The following CFDP1 variants were observed in gnomAD, a reference collection of about 807,000 sequenced individuals.
CFDP1 encodes chromatin remodeling protein CFDP1, also known as heterochromatin-stabilizing protein CFDP1.
Under a neutral mutation model 40.1 loss-of-function variants are expected in CFDP1, and 31 were observed. The ratio of observed to expected loss-of-function variants is 0.77; its 90% CI spans 0.58 to 1.04. The LOEUF (loss-of-function observed/expected upper bound fraction) is 1.04, where lower values mean the gene tolerates loss of function less well. CFDP1 is among the 50% of genes least tolerant of loss of function. CFDP1 has a pLI of 0.00. For synonymous variants in CFDP1, 167 were observed against 120.0 expected (o/e 1.39, Z -2.56); for missense variants, 423 against 343.4 (o/e 1.23, Z -1.83).
chr16:75,355,856 G>A (rs761946347), intron 5 of CFDP1, among the ~76,000 whole-genome samples: 1 of 152,214 alleles, frequency 6.6e-6, no homozygotes, highest in Non-Finnish European at 1.5e-5. Context: ...GGAACTGAGA[G>A]TCAATTAAAT....
chr16:75,367,843 G>A (rs1447485777), intron 5 of CFDP1, among the ~76,000 whole-genome samples: 9 of 149,686 alleles, frequency 6.0e-5, no homozygotes, highest in African/African-American at 2.2e-4. Flanking sequence ...GGTGGCTCAC[G>A]CCTGTAATTC....
chr16:75,413,924 T>G (rs1236997674), intron 2 of CFDP1, among the ~76,000 whole-genome samples: 1 of 152,148 alleles, frequency 6.6e-6, no homozygotes, highest in African/African-American at 2.4e-5. Flanking sequence ...AAATGTTACA[T>G]TTACAGATAT....
At chr16:75,393,717 G>A (rs1243376228) in intron 5 of CFDP1, among the ~76,000 whole-genome samples, 21 of 115,760 alleles carry the variant, frequency 1.8e-4, no homozygotes, top group Middle Eastern at 8.1e-3. Flanking sequence ...CGGCCTGGGC[G>A]ACAGAGCGAG....
intron 6 of CFDP1, among the ~76,000 whole-genome samples, chr16:75,298,000 A>G (rs2078196134): frequency 6.6e-6 from 1 of 152,210 alleles, no homozygotes; most frequent in Non-Finnish European, 1.5e-5. Flanking sequence ...CACTGACAAG[A>G]CACAAGTGGA....
At chr16:75,326,796 A>C (rs919841876) in intron 5 of CFDP1, among the ~76,000 whole-genome samples, 3 of 152,262 alleles carry the variant, frequency 2.0e-5, no homozygotes, top group African/African-American at 7.2e-5. Flanking sequence ...TAGAAGACTG[A>C]CGGTGAAGCA....
At chr16:75,362,934 T>C (rs1463918312) in intron 5 of CFDP1, 1 of 152,174 alleles carries the variant, frequency 6.6e-6, no homozygotes, top group Non-Finnish European at 1.5e-5. Flanking sequence ...TGGCAGATCT[T>C]ATGGCAATGG....
chr16:75,383,326 A>T (rs2078866575), intron 5 of CFDP1, among the ~76,000 whole-genome samples: 1 of 152,220 alleles, frequency 6.6e-6, no homozygotes, highest in Non-Finnish European at 1.5e-5. Context: ...TCTAATATGA[A>T]TCTTTCTGTA....
Position 75,400,295 on chromosome 16 carries a change from CAAAA to C in CFDP1, c.531-5090_531-5087del, listed in dbSNP as rs2079039763. On this transcript the variant is annotated intron_variant, in intron 4 of 6. Transcript: ENST00000283882. Reference sequence around the variant, plus strand: ...CCCTGTCTCAAAACAAAAAACAAAACAAAACAAAAAAGAAGGTAGAAAGCAAGTA... The same window carrying C: ...CCCTGTCTCAAAACAAAAAACAAAACCAAAAAAGAAGGTAGAAAGCAAGTA... Among the ~76,000 whole-genome samples the C allele has an allele frequency of 2.0e-5, 3 of 151,572 alleles. No homozygotes were observed. In the South Asian group the frequency reaches 6.3e-4, roughly 32 times the overall value.
rs552225036 is a variant in CFDP1 at position 75,309,912 on chromosome 16, G to A, written c.651-4730C>T. Among the ~76,000 whole-genome samples the A allele has an allele frequency of 2.6e-5, 4 of 151,052 alleles. No homozygotes were observed. The South Asian group carries it at 8.4e-4, about 32-fold the overall frequency. ...TCTTTATCCTAAGCCATAGGGCAAGGTACTGCCAGAAAGTCTGCTTTAACA... is the reference window on the plus strand; with the variant it reads ...TCTTTATCCTAAGCCATAGGGCAAGATACTGCCAGAAAGTCTGCTTTAACA... On this transcript the variant is annotated intron_variant, in intron 5 of 6. Coordinates refer to ENST00000283882, the MANE Select transcript of CFDP1 (RefSeq NM_006324.3).
At chr16:75,360,646 G>A (rs973484136) in intron 5 of CFDP1, among the ~76,000 whole-genome samples, 6 of 152,086 alleles carry the variant, frequency 3.9e-5, no homozygotes, top group Non-Finnish European at 8.8e-5. Flanking sequence ...AGAAATTGTT[G>A]AAAATCAAGA....
chr16:75,324,188 A>C (rs1286426841), intron 5 of CFDP1, among the ~76,000 whole-genome samples: 1 of 152,048 alleles, frequency 6.6e-6, no homozygotes, highest in African/African-American at 2.4e-5. Context: ...AGTGCAGTAG[A>C]GCATAAGAGT....
At chr16:75,329,010 C>T (rs3863442) in intron 5 of CFDP1, among the ~76,000 whole-genome samples, 78,121 of 151,710 alleles carry the variant, frequency 0.51, 21,424 homozygotes, top group Admixed American at 0.66. Flanking sequence ...CCATGCCTGG[C>T]TAATTTTTTT....
chr16:75,348,100 G>A (rs1341886947), intron 5 of CFDP1, among the ~76,000 whole-genome samples: 4 of 152,166 alleles, frequency 2.6e-5, no homozygotes, highest in African/African-American at 9.7e-5. Context: ...TTTAGTTAAT[G>A]GCGCTGTACC....
intron 5 of CFDP1, among the ~76,000 whole-genome samples, chr16:75,380,673 C>T (rs567863784): frequency 7.9e-5 from 12 of 152,264 alleles, no homozygotes; most frequent in African/African-American, 2.9e-4. Flanking sequence ...AACCCTGGGC[C>T]TGCAACCCAC....
intron 1 of CFDP1, among the ~76,000 whole-genome samples, chr16:75,431,150 A>T (rs1190992471): frequency 6.6e-6 from 1 of 151,890 alleles, no homozygotes; most frequent in African/African-American, 2.4e-5. Context: ...TCACACTGTC[A>T]TTAGAAAAAA....
chr16:75,390,486 T>A (rs1422051135), intron 5 of CFDP1, among the ~76,000 whole-genome samples: 2 of 152,236 alleles, frequency 1.3e-5, no homozygotes, highest in Admixed American at 6.5e-5. Context: ...TAATTTTCTA[T>A]CCACTGACCA....
At chr16:75,323,287 C>T (rs1178909992) in intron 5 of CFDP1, among the ~76,000 whole-genome samples, 1 of 151,618 alleles carries the variant, frequency 6.6e-6, no homozygotes, top group Non-Finnish European at 1.5e-5. Flanking sequence ...GGGTCAGGAT[C>T]ATCAATATCA....
At chr16:75,297,354 T>C (rs920282066) in intron 6 of CFDP1, among the ~76,000 whole-genome samples, 1 of 152,066 alleles carries the variant, frequency 6.6e-6, no homozygotes, top group Non-Finnish European at 1.5e-5. Flanking sequence ...ACTTTACCTC[T>C]ACAGAACCTC....
intron 5 of CFDP1, among the ~76,000 whole-genome samples, chr16:75,384,520 A>G (rs1227525533): frequency 6.6e-6 from 1 of 152,206 alleles, no homozygotes; most frequent in Non-Finnish European, 1.5e-5. Context: ...CATGACTTCA[A>G]ATTGCTTCTG....
Sources: gnomAD v4.1 joint callset for allele counts (sites outside exome capture counted in the v4.1 genomes callset) on GRCh38, gnomAD v4.1.1 for gene constraint, MANE v1.5 for transcripts, NCBI Gene and HGNC (gene_info 2026-07-23, HGNC 2026-07-21) for gene names.